Variants in DENND1A observed in about 807,000 individuals in gnomAD.
The protein encoded by DENND1A is DENN domain containing 1A.
Under a neutral mutation model 113.7 loss-of-function variants are expected in DENND1A, and 51 were observed. The ratio of observed to expected loss-of-function variants is 0.45; its 90% CI spans 0.36 to 0.57. The LOEUF (loss-of-function observed/expected upper bound fraction) is 0.57, where lower values mean the gene tolerates loss of function less well. Ranked by LOEUF, DENND1A falls within the 20% of genes least tolerant of loss-of-function variation. DENND1A has a pLI of 0.00. For missense variants in DENND1A, 1,258 were observed against 1,395.9 expected, an observed-to-expected ratio of 0.90 and a Z score of 1.57; for synonymous variants, 565 against 570.8, an observed-to-expected ratio of 0.99 and a Z score of 0.14.
chr9:123,576,077 T>C (rs1208316969), intron 12 of DENND1A, among the ~76,000 whole-genome samples: 1 of 152,254 alleles, frequency 6.6e-6, no homozygotes, highest in Non-Finnish European at 1.5e-5. Context: ...TACTGGCTTA[T>C]TAGCTATATA....
chr9:123,913,623 C>A (rs1429100036), intron 1 of DENND1A, among the ~76,000 whole-genome samples: 1 of 151,976 alleles, frequency 6.6e-6, no homozygotes, highest in Non-Finnish European at 1.5e-5. Context: ...TATCAAAATC[C>A]GACCGGGCAT....
chr9:123,396,140 C>T (rs552503490), intron 21 of DENND1A, among the ~76,000 whole-genome samples: 2 of 152,200 alleles, frequency 1.3e-5, no homozygotes, highest in East Asian at 1.9e-4. Flanking sequence ...TGAGATAAGG[C>T]CAGGAGGGAG....
intron 8 of DENND1A, 138 bp downstream of exon 8, chr9:123,666,888 T>C (rs911929432): frequency 1.3e-6 from 1 of 782,302 alleles, no homozygotes; most frequent in African/African-American, 1.8e-5. Context: ...TCTTATACTT[T>C]TGTTTTTATA....
At chr9:123,652,258 T>C (rs776201990) in intron 8 of DENND1A, 135 bp from the exon 9 acceptor site, 10 of 739,260 alleles carry the variant, frequency 1.4e-5, no homozygotes, top group Non-Finnish European at 2.1e-5. Context: ...TCTTTCTACC[T>C]GGGAGGCCAA....
chr9:123,829,122 G>A (rs1017728503), intron 2 of DENND1A, among the ~76,000 whole-genome samples: 1 of 152,114 alleles, frequency 6.6e-6, no homozygotes, highest in African/African-American at 2.4e-5. Context: ...TAAAGGTTCA[G>A]AAAAACTAAT....
At chr9:123,459,707 C>T (rs911053718) in intron 13 of DENND1A, among the ~76,000 whole-genome samples, 1 of 152,200 alleles carries the variant, frequency 6.6e-6, no homozygotes, top group African/African-American at 2.4e-5. Flanking sequence ...ACCCCACCCC[C>T]CAGCCCTGGT....
intron 2 of DENND1A, among the ~76,000 whole-genome samples, chr9:123,838,824 G>C (rs770637846): frequency 6.6e-6 from 1 of 152,124 alleles, no homozygotes; most frequent in Non-Finnish European, 1.5e-5. Flanking sequence ...TCACTCAGTG[G>C]CAGTGCCCAA....
intron 1 of DENND1A, among the ~76,000 whole-genome samples, chr9:123,902,830 A>T (rs1434230955): frequency 6.6e-6 from 1 of 151,470 alleles, no homozygotes; most frequent in Admixed American, 6.6e-5. Flanking sequence ...AAAAAGGCCA[A>T]TGTAACCTTG....
At chr9:123,757,613 G>T in intron 5 of DENND1A, 90 bp downstream of exon 5, 1 of 1,542,114 alleles carries the variant, frequency 6.5e-7, no homozygotes, top group South Asian at 1.2e-5. Flanking sequence ...AAAATGAAAT[G>T]AACAGCTGGA....
intron 12 of DENND1A, among the ~76,000 whole-genome samples, chr9:123,563,734 C>A (rs2057894014): frequency 6.6e-6 from 1 of 152,072 alleles, no homozygotes; most frequent in Non-Finnish European, 1.5e-5. Flanking sequence ...TTTAGTGGCT[C>A]CCTACTGTGA....
chr9:123,383,630 A>T, intron 23 of DENND1A, 25 bp downstream of exon 23: 1 of 1,603,270 alleles, frequency 6.2e-7, no homozygotes, highest in Non-Finnish European at 8.5e-7. Context: ...CCCCCGGCCG[A>T]TACCCTCCCT....
chr9:123,539,898 A>G (rs1048734482), intron 13 of DENND1A, among the ~76,000 whole-genome samples: 1 of 152,044 alleles, frequency 6.6e-6, no homozygotes, highest in Non-Finnish European at 1.5e-5. Context: ...AAAAAAAAAA[A>G]AAATTCATTA....
At chr9:123,496,271 A>C (rs577778315) in intron 13 of DENND1A, among the ~76,000 whole-genome samples, 1 of 152,250 alleles carries the variant, frequency 6.6e-6, no homozygotes, top group African/African-American at 2.4e-5. Flanking sequence ...ACTTTGGAGG[A>C]GCATTGTCAT....
intron 12 of DENND1A, among the ~76,000 whole-genome samples, chr9:123,566,195 A>T (rs1450879343): frequency 6.6e-6 from 1 of 152,166 alleles, no homozygotes; most frequent in Non-Finnish European, 1.5e-5. Context: ...TATGTCCATG[A>T]TACTGGTTTA....
At chr9:123,418,385 A>G (rs2044926719) in intron 19 of DENND1A, among the ~76,000 whole-genome samples, 1 of 152,204 alleles carries the variant, frequency 6.6e-6, no homozygotes, top group Non-Finnish European at 1.5e-5. Flanking sequence ...GAGTATGCTC[A>G]TTGGATATGA....
At chr9:123,774,615 C>A (rs1830207097) in intron 3 of DENND1A, among the ~76,000 whole-genome samples, 1 of 152,012 alleles carries the variant, frequency 6.6e-6, no homozygotes, top group Non-Finnish European at 1.5e-5. Flanking sequence ...CCTTTCAACA[C>A]CCAAACATAA....
chr9:123,794,333 A>G (rs1302196142), intron 2 of DENND1A, among the ~76,000 whole-genome samples: 1 of 152,214 alleles, frequency 6.6e-6, no homozygotes, highest in African/African-American at 2.4e-5. Context: ...TCCCTAAAAC[A>G]TACATACAGA....
chr9:123,634,425 C>T (rs993351717), intron 9 of DENND1A, among the ~76,000 whole-genome samples: 15 of 152,198 alleles, frequency 9.9e-5, no homozygotes, highest in African/African-American at 3.1e-4. Flanking sequence ...CAGTTGATTA[C>T]AAGACTTACT....
At chr9:123,487,696 C>T (rs111642956) in intron 13 of DENND1A, among the ~76,000 whole-genome samples, 4 of 152,166 alleles carry the variant, frequency 2.6e-5, no homozygotes, top group Admixed American at 1.3e-4. Context: ...TATAAACATA[C>T]ACAATGTCCT....
Sources: gnomAD v4.1 joint callset for allele counts (sites outside exome capture counted in the v4.1 genomes callset) on GRCh38, gnomAD v4.1.1 for gene constraint, MANE v1.5 for transcripts, NCBI Gene and HGNC (gene_info 2026-07-23, HGNC 2026-07-21) for gene names.